Variants in PAK3 observed in about 807,000 individuals in gnomAD.
PAK3 encodes p21 (RAC1) activated kinase 3.
PAK3 carries 4 observed loss-of-function variants against 41.0 expected under a neutral mutation model. The observed-to-expected ratio is 0.10, with a 90% confidence interval of 0.05 to 0.22. The LOEUF (loss-of-function observed/expected upper bound fraction) is 0.22, where lower values mean the gene tolerates loss of function less well. Ranked by LOEUF, PAK3 falls within the 10% of genes least tolerant of loss-of-function variation. PAK3 has a pLI of 1.00. For missense variants in PAK3, 205 were observed against 409.9 expected, an observed-to-expected ratio of 0.50 and a Z score of 4.32; for synonymous variants, 146 against 139.6, an observed-to-expected ratio of 1.05 and a Z score of -0.32.
chrX:111,178,990 G>GAGAGAGAGAGAGAGAT (rs1556239371), intron 11 of PAK3, among the ~76,000 whole-genome samples: 1 of 92,833 alleles, frequency 1.1e-5, no homozygotes, highest in African/African-American at 3.9e-5. Flanking sequence ...TAGAGAGAGA[G>GAGAGAGAGAGAGAGAT]ATATCTGTAT....
intron 1 of PAK3, among the ~76,000 whole-genome samples, chrX:111,024,559 G>A (rs779268186): frequency 9.0e-6 from 1 of 110,764 alleles, no homozygotes; most frequent in East Asian, 2.8e-4. Context: ...GGCAAGGAGG[G>A]ACATTATATA....
intron 1 of PAK3, among the ~76,000 whole-genome samples, chrX:111,036,965 G>A (rs1241089540): frequency 9.0e-6 from 1 of 111,564 alleles, no homozygotes; most frequent in African/African-American, 3.3e-5. Context: ...TTGTTTTTGA[G>A]CCAGAGTCTC....
chrX:110,945,797 A>G (rs1192093180), intron 1 of PAK3, among the ~76,000 whole-genome samples: 2 of 111,806 alleles, frequency 1.8e-5, no homozygotes, highest in Non-Finnish European at 3.8e-5. Flanking sequence ...AAGAAAGAAG[A>G]GGTCAATAAA....
At chrX:111,167,300 G>T (rs1355612459) in intron 10 of PAK3, among the ~76,000 whole-genome samples, 2 of 110,930 alleles carry the variant, frequency 1.8e-5, no homozygotes, top group South Asian at 7.7e-4. Context: ...AGAGGCAAAA[G>T]AGAGGAAAAA....
At chrX:111,120,525 C>T (rs1447821376) in intron 4 of PAK3, among the ~76,000 whole-genome samples, 2 of 111,642 alleles carry the variant, frequency 1.8e-5, no homozygotes, top group South Asian at 3.7e-4. Flanking sequence ...TGAGCTGAAA[C>T]CCTGGCTGGC....
intron 1 of PAK3, among the ~76,000 whole-genome samples, chrX:111,066,577 G>T (rs146984938): frequency 9.0e-6 from 1 of 111,727 alleles, no homozygotes; most frequent in Non-Finnish European, 1.9e-5. Flanking sequence ...TGTCTATTAG[G>T]TCCAATATGT....
At position 111,207,098 on chromosome X, in the gene PAK3, G is replaced by GTGTGTA. The variant is rs760955956; in HGVS notation, c.1408-9322_1408-9321insGTGTAT. ...CGTGTGTGTGTGTGTGTGTGTGTGT[G>GTGTGTA]TATATATATATACATATATACATAT... On this transcript the variant is annotated intron_variant, in intron 16 of 17. Transcript: ENST00000372007. 1.2e-3 allele frequency among the ~76,000 whole-genome samples: 126 copies of GTGTGTA among 103,108 alleles called. 2 individuals are homozygous for GTGTGTA. The highest frequency in any genetic ancestry group is 4.1e-3 in the African/African-American group (117 of 28,248). The allele number at this position is 103,108 out of a possible 115,157, so 89.5% of individuals were successfully genotyped here. A position where few individuals can be genotyped will look rare whatever the true frequency, so the allele number is the denominator to read the frequency against.
rs759809603 is a variant in PAK3 at position 111,197,935 on chromosome X, T to C, written c.1407+1295T>C. ...GCCTCAAACTCCTGGCCTCAAGTGA[T>C]TGACTTGCCTTGGCCTCCCAAAGTG... is the stretch of plus-strand genomic sequence containing the variant. On this transcript the variant is annotated intron_variant, in intron 16 of 17. Transcript: ENST00000372007. Among the ~76,000 whole-genome samples the C allele has an allele frequency of 2.7e-5, 3 of 112,300 alleles. No homozygotes were observed. The South Asian group carries it at 1.1e-3, about 42-fold the overall frequency.
At chrX:111,086,061 T>TTGTGTGTG (rs754802946) in intron 1 of PAK3, among the ~76,000 whole-genome samples, 58 of 81,757 alleles carry the variant, frequency 7.1e-4, no homozygotes, top group African/African-American at 2.4e-3. Flanking sequence ...TGATGTCAGC[T>TTGTGTGTG]TGTGTGTGTG....
chrX:111,050,008 C>A, intron 1 of PAK3, among the ~76,000 whole-genome samples: 1 of 111,510 alleles, frequency 9.0e-6, no homozygotes, highest in East Asian at 2.8e-4. Context: ...GAGTTCAAAG[C>A]AATAGGAGTG....
intron 11 of PAK3, among the ~76,000 whole-genome samples, chrX:111,182,385 T>G (rs776784295): frequency 9.0e-6 from 1 of 111,040 alleles, no homozygotes; most frequent in East Asian, 2.8e-4. Context: ...AGAAAAGTCA[T>G]GCCCTAGCTA....
At chrX:111,011,029 A>G (rs189526342) in intron 1 of PAK3, among the ~76,000 whole-genome samples, 134 of 112,007 alleles carry the variant, frequency 1.2e-3, no homozygotes, top group African/African-American at 4.0e-3. Context: ...TGAGATGCAG[A>G]TTAACTTGAG....
At chrX:111,058,833 G>T (rs2092628257) in intron 1 of PAK3, among the ~76,000 whole-genome samples, 1 of 111,810 alleles carries the variant, frequency 8.9e-6, no homozygotes, top group Non-Finnish European at 1.9e-5. Flanking sequence ...TTCAAGTAAA[G>T]TTTTGTATAT....
chrX:111,036,547 G>A (rs777933422), intron 1 of PAK3, among the ~76,000 whole-genome samples: 2 of 111,832 alleles, frequency 1.8e-5, no homozygotes, highest in Non-Finnish European at 3.8e-5. Flanking sequence ...TCACTCTCAC[G>A]AGAACAGCAT....
At chrX:111,183,905 G>C (rs1603362170) in intron 11 of PAK3, among the ~76,000 whole-genome samples, 1 of 111,581 alleles carries the variant, frequency 9.0e-6, no homozygotes, top group East Asian at 2.8e-4. Context: ...TTTAATTGAT[G>C]ATGGGTCCCA....
intron 1 of PAK3, among the ~76,000 whole-genome samples, chrX:111,063,775 G>A (rs1297558216): frequency 1.9e-5 from 2 of 104,755 alleles, no homozygotes; most frequent in African/African-American, 7.0e-5. Flanking sequence ...ACAGTAAGCC[G>A]AGATTGCGCC....
chrX:111,147,715 C>G (rs902760159), intron 6 of PAK3, 22 bp from the exon 7 acceptor site: 2 of 1,138,167 alleles, frequency 1.8e-6, no homozygotes, highest in African/African-American at 3.6e-5. Flanking sequence ...AGCTACCATT[C>G]TTTCCCTTTG....
rs2092978214 is a variant in PAK3 at position 111,096,214 on chromosome X, G to C, written c.-554G>C. On this transcript the variant is annotated 5_prime_UTR_variant, in exon 1 of 18. Transcript: ENST00000372007. The stretch of plus-strand genomic sequence containing the variant: ...CTACCGCGGGCGGGCAGCTGTGCCA[G>C]CTAACCGTCTGGGATCTCGCACTGG... The C allele has an allele frequency of 8.9e-6, 1 of 112,227 alleles. No homozygotes were observed. The highest frequency in any genetic ancestry group is 3.7e-4 in the South Asian group (1 of 2,692). 9.2% of individuals were successfully genotyped at this position (112,227 alleles called of 1,213,427 possible). A position where few individuals can be genotyped will look rare whatever the true frequency, so the allele number is the denominator to read the frequency against.
intron 4 of PAK3, among the ~76,000 whole-genome samples, chrX:111,117,049 GTGCTCCAGAAGAGGCGA>G (rs1482800490): frequency 9.9e-5 from 11 of 111,588 alleles, no homozygotes; most frequent in African/African-American, 3.3e-4. Context: ...CCCTTGGTGA[GTGCTCCAGAAGAGGCGA>G]GCTCCAAAAC....
Sources: allele counts gnomAD v4.1 joint callset (sites outside exome capture counted in the v4.1 genomes callset), GRCh38; gene constraint gnomAD v4.1.1; transcripts MANE v1.5; gene names NCBI Gene and HGNC (gene_info 2026-07-23, HGNC 2026-07-21).